The following BABAM2 variants were observed in gnomAD, a reference collection of about 807,000 sequenced individuals.
BABAM2 encodes BRISC and BRCA1-A complex member 2.
Under a neutral mutation model 54.7 loss-of-function variants are expected in BABAM2, and 31 were observed. The observed-to-expected ratio is 0.57, with a 90% CI of 0.43 to 0.77. The LOEUF is 0.77. Ranked by LOEUF, BABAM2 falls within the 30% of genes least tolerant of loss-of-function variation. The pLI is 0.00. For synonymous variants in BABAM2, 167 were observed against 162.9 expected (o/e 1.03, Z -0.19); for missense variants, 364 against 455.8 (o/e 0.80, Z 1.83).
intron 4 of BABAM2, among the ~76,000 whole-genome samples, chr2:28,019,570 AGC>A (rs1291385115): frequency 6.6e-6 from 1 of 152,158 alleles, no homozygotes; most frequent in Non-Finnish European, 1.5e-5. Context: ...TCTTTGCCTA[AGC>A]CAATGTCTAG....
chr2:28,087,247 G>A (rs1665735023), intron 6 of BABAM2, among the ~76,000 whole-genome samples: 1 of 152,146 alleles, frequency 6.6e-6, no homozygotes, highest in African/African-American at 2.4e-5. Flanking sequence ...ATGAATTTCT[G>A]GTTTCAGCTC....
At chr2:27,893,780 C>T (rs1469087352) in intron 1 of BABAM2, among the ~76,000 whole-genome samples, 1 of 151,918 alleles carries the variant, frequency 6.6e-6, no homozygotes, top group Non-Finnish European at 1.5e-5. Context: ...TGGATCATGA[C>T]GTCAAGAGAT....
intron 7 of BABAM2, among the ~76,000 whole-genome samples, chr2:28,178,865 A>G (rs1558410301): frequency 6.6e-6 from 1 of 152,108 alleles, no homozygotes; most frequent in Non-Finnish European, 1.5e-5. Context: ...GAGCAACTAT[A>G]TACTAATACA....
At chr2:27,968,652 G>A (rs775610608) in intron 3 of BABAM2, among the ~76,000 whole-genome samples, 10 of 152,192 alleles carry the variant, frequency 6.6e-5, no homozygotes, top group Non-Finnish European at 1.2e-4. Context: ...TTCAACACCA[G>A]CCCGTGAAGG....
intron 6 of BABAM2, among the ~76,000 whole-genome samples, chr2:28,053,005 A>G (rs1678115366): frequency 6.6e-6 from 1 of 152,222 alleles, no homozygotes; most frequent in Non-Finnish European, 1.5e-5. Flanking sequence ...ATTTAGCATT[A>G]CATGTTTGCT....
At position 28,013,665 on chromosome 2, in the gene BABAM2, TAA is replaced by T. The variant is rs55636414; in HGVS notation, c.301-11539_301-11538del. ...GGTCTGATTGATTTTGTCCAGCAAG[TAA>T]AAAAAAAAAAAAAAAAAAAAAGCTC... is the stretch of plus-strand genomic sequence containing the variant. On this transcript the variant is annotated intron_variant, in intron 4 of 11. Coordinates refer to ENST00000379624, the MANE Select transcript of BABAM2 (RefSeq NM_199191.3). Among the ~76,000 whole-genome samples the T allele has an allele frequency of 5.6e-3, 323 of 58,072 alleles. 1 individual carries two copies. The highest frequency in any genetic ancestry group is 0.015 in the South Asian group (16 of 1,098). 38.1% of individuals were successfully genotyped at this position (58,072 alleles called of 152,430 possible).
At chr2:27,909,360 A>G (rs1382063429) in intron 2 of BABAM2, among the ~76,000 whole-genome samples, 1 of 152,040 alleles carries the variant, frequency 6.6e-6, no homozygotes. Context: ...GGCCATTTAT[A>G]TATCTTCTTT....
Position 28,080,608 on chromosome 2 carries a change from T to C in BABAM2, c.570+34809T>C, listed in dbSNP as rs180799654. 1.6e-3 allele frequency among the ~76,000 whole-genome samples: 249 copies of C among 152,318 alleles called. 2 individuals carry two copies. Among genetic ancestry groups the C allele is most frequent in the Middle Eastern group, 3.4e-3 (1 of 294 alleles). ...AACATGTAAATAAAAGCAGTAATCATGTTAGAAGAGACCAATCTGTGCCTG... is the reference window on the plus strand; with the variant it reads ...AACATGTAAATAAAAGCAGTAATCACGTTAGAAGAGACCAATCTGTGCCTG... On this transcript the variant is annotated intron_variant, in intron 6 of 11. Coordinates refer to ENST00000379624, the MANE Select transcript of BABAM2 (RefSeq NM_199191.3).
In BABAM2 at chr2:27,894,639, G is replaced by A; in HGVS notation, c.83G>A (p.Gly28Glu). The change falls in exon 2 of 12, where the codon GGA (glycine) becomes GAA (glutamate). Residue 28 changes from glycine to glutamate, a missense_variant. Gly to Glu is a moderately conservative substitution (Grantham distance 98). Coordinates refer to ENST00000379624, the MANE Select transcript of BABAM2 (RefSeq NM_199191.3). ...AGCGTGGTCCGGAATGGAAAAGTGG[G>A]ACTGGATGCTACAAACTGTTTGAGG... Reference protein sequence around the residue: ...ISSVVRNGKVGLDATNCLRIT... With the variant: ...ISSVVRNGKVELDATNCLRIT... 1 of 1,614,158 alleles carries A rather than the reference G, an allele frequency of 6.2e-7. No homozygotes were observed. Among genetic ancestry groups the A allele is most frequent in the Non-Finnish European group, 8.5e-7 (1 of 1,180,026 alleles).
intron 11 of BABAM2, among the ~76,000 whole-genome samples, chr2:28,323,396 G>A (rs763911168): frequency 2.0e-5 from 3 of 152,174 alleles, no homozygotes; most frequent in South Asian, 2.1e-4. Context: ...CTAGCTAAGC[G>A]CTGGGAGAGG....
intron 4 of BABAM2, among the ~76,000 whole-genome samples, chr2:27,991,527 A>G (rs759100674): frequency 1.3e-5 from 2 of 152,140 alleles, no homozygotes; most frequent in African/African-American, 2.4e-5. Context: ...GAAACCTTAA[A>G]CTTATTAGCA....
At chr2:27,895,450 A>G (rs1665214915) in intron 2 of BABAM2, among the ~76,000 whole-genome samples, 1 of 152,096 alleles carries the variant, frequency 6.6e-6, no homozygotes. Context: ...TTTTCTTTTC[A>G]TTAGAGTGAA....
intron 7 of BABAM2, among the ~76,000 whole-genome samples, chr2:28,202,607 G>C (rs181729562): frequency 5.9e-5 from 9 of 152,142 alleles, no homozygotes; most frequent in Non-Finnish European, 1.0e-4. Context: ...TAGTTTATGC[G>C]ATGGGAACAT....
intron 6 of BABAM2, among the ~76,000 whole-genome samples, chr2:28,087,842 G>T (rs1419401573): frequency 6.6e-6 from 1 of 152,048 alleles, no homozygotes; most frequent in African/African-American, 2.4e-5. Flanking sequence ...TAGAGACAGG[G>T]TTTCACCATG....
chr2:28,250,663 G>T (rs748933997), intron 10 of BABAM2, among the ~76,000 whole-genome samples: 3 of 149,194 alleles, frequency 2.0e-5, no homozygotes, highest in Non-Finnish European at 4.4e-5. Flanking sequence ...GCAGTGGCAC[G>T]ATCTCAGCTC....
chr2:27,943,587 C>A (rs1315770874), intron 3 of BABAM2, among the ~76,000 whole-genome samples: 3 of 152,210 alleles, frequency 2.0e-5, no homozygotes, highest in Admixed American at 6.5e-5. Context: ...TAGACCAGTT[C>A]TCTTCTAGTC....
chr2:28,186,007 C>T (rs1676241496), intron 7 of BABAM2, among the ~76,000 whole-genome samples: 1 of 152,068 alleles, frequency 6.6e-6, no homozygotes, highest in East Asian at 1.9e-4. Context: ...TTGTAAAGCA[C>T]CAAAGTAGGA....
chr2:27,893,341 C>T (rs1573099066), intron 1 of BABAM2, among the ~76,000 whole-genome samples: 2 of 152,230 alleles, frequency 1.3e-5, no homozygotes, highest in Middle Eastern at 6.8e-3. Context: ...GGACTTAGTG[C>T]CTTAAAGTCA....
chr2:28,032,167 T>C (rs1050019295), intron 5 of BABAM2, among the ~76,000 whole-genome samples: 1 of 152,228 alleles, frequency 6.6e-6, no homozygotes, highest in Non-Finnish European at 1.5e-5. Context: ...CTTTGCATTA[T>C]GCAGGTCTGT....
Sources: allele counts gnomAD v4.1 joint callset (sites outside exome capture counted in the v4.1 genomes callset), GRCh38; gene constraint gnomAD v4.1.1; transcripts MANE v1.5; gene names NCBI Gene and HGNC (gene_info 2026-07-23, HGNC 2026-07-21).